The following ZNF804B variants were observed in gnomAD, a reference collection of about 807,000 sequenced individuals.
ZNF804B encodes zinc finger 804B.
A neutral mutation model predicts 101.4 loss-of-function variants in ZNF804B; 80 were observed. That is an observed-to-expected ratio of 0.79 (90% CI 0.66 to 0.95). The LOEUF (loss-of-function observed/expected upper bound fraction) is 0.95. Ranked by LOEUF, ZNF804B falls within the 40% of genes least tolerant of loss-of-function variation. The pLI is 0.00. For synonymous variants in ZNF804B, 622 were observed against 558.8 expected (o/e 1.11, Z -1.59); for missense variants, 1,673 against 1,561.9 (o/e 1.07, Z -1.20).
chr7:88,873,109 C>G (rs1791864352), intron 1 of ZNF804B, among the ~76,000 whole-genome samples: 1 of 152,008 alleles, frequency 6.6e-6, no homozygotes, highest in Non-Finnish European at 1.5e-5. Flanking sequence ...GTTCCTATTT[C>G]TCCACATCCT....
chr7:89,242,340 G>A (rs551906810), intron 2 of ZNF804B, among the ~76,000 whole-genome samples: 1 of 151,828 alleles, frequency 6.6e-6, no homozygotes, highest in African/African-American at 2.4e-5. Context: ...AATTGATTTT[G>A]CTTTTTTACC....
intron 2 of ZNF804B, among the ~76,000 whole-genome samples, chr7:89,254,127 G>A (rs1230925421): frequency 2.0e-5 from 3 of 152,058 alleles, no homozygotes; most frequent in Non-Finnish European, 4.4e-5. Context: ...ATTTAACATT[G>A]CATTGACGGT....
intron 1 of ZNF804B, among the ~76,000 whole-genome samples, chr7:88,799,045 A>G (rs567871459): frequency 6.6e-6 from 1 of 152,212 alleles, no homozygotes; most frequent in South Asian, 2.1e-4. Context: ...TATTCTACTT[A>G]TCTACCTTTT....
At chr7:88,912,545 C>T (rs1792565141) in intron 1 of ZNF804B, among the ~76,000 whole-genome samples, 1 of 152,172 alleles carries the variant, frequency 6.6e-6, no homozygotes, top group African/African-American at 2.4e-5. Context: ...TTGAATTTCA[C>T]ATTTTGTCTA....
intron 2 of ZNF804B, among the ~76,000 whole-genome samples, chr7:89,258,374 T>C (rs1369629610): frequency 6.6e-6 from 1 of 152,154 alleles, no homozygotes; most frequent in Admixed American, 6.6e-5. Context: ...GCTAGTCTAA[T>C]GAATAATGAA....
intron 1 of ZNF804B, among the ~76,000 whole-genome samples, chr7:88,980,739 A>C (rs1048620521): frequency 4.6e-5 from 7 of 151,998 alleles, no homozygotes; most frequent in African/African-American, 1.7e-4. Context: ...GGCCATCACC[A>C]TTGGGACTGT....
Position 89,270,766 on chromosome 7 carries a change from T to C in ZNF804B, c.249+52471T>C, listed in dbSNP as rs182186967. On this transcript the variant is annotated intron_variant, in intron 2 of 3. Transcript: ENST00000333190. Reference sequence around the variant, plus strand: ...TTGAGCAATGGTTTGTAGTTCTTCTTGAAGAGGTCCTTCACCTCCATTGTA... The same window carrying C: ...TTGAGCAATGGTTTGTAGTTCTTCTCGAAGAGGTCCTTCACCTCCATTGTA... 3.3e-5 allele frequency among the ~76,000 whole-genome samples: 5 copies of C among 152,338 alleles called. No homozygotes were observed. In the East Asian group the frequency reaches 9.6e-4, roughly 29 times the overall value.
chr7:88,830,080 G>A (rs1014372529), intron 1 of ZNF804B, among the ~76,000 whole-genome samples: 3 of 152,082 alleles, frequency 2.0e-5, no homozygotes, highest in Non-Finnish European at 4.4e-5. Context: ...ATTTGTTTAG[G>A]GAGTGTGCTC....
At chr7:88,819,918 C>T (rs74756196) in intron 1 of ZNF804B, among the ~76,000 whole-genome samples, 3,148 of 152,142 alleles carry the variant, frequency 0.021, 103 homozygotes, top group African/African-American at 0.072. Context: ...GAGTTTTGCT[C>T]AGGAAGCATA....
chr7:89,207,474 G>A (rs10239607), intron 1 of ZNF804B, among the ~76,000 whole-genome samples: 108,106 of 152,032 alleles, frequency 0.71, 39,130 homozygotes, highest in African/African-American at 0.77. Context: ...CCCACCCCCA[G>A]TGACTTGATT....
chr7:88,855,798 G>T (rs1161214542), intron 1 of ZNF804B, among the ~76,000 whole-genome samples: 2 of 152,146 alleles, frequency 1.3e-5, no homozygotes, highest in Non-Finnish European at 2.9e-5. Context: ...GCAAGGAAGG[G>T]ATCCAGTTTC....
intron 2 of ZNF804B, among the ~76,000 whole-genome samples, chr7:89,295,973 G>T (rs1790375872): frequency 6.6e-6 from 1 of 152,092 alleles, no homozygotes; most frequent in Non-Finnish European, 1.5e-5. Flanking sequence ...ATACAGAGTG[G>T]TATAATGGAC....
chr7:88,967,396 C>A (rs1793471320), intron 1 of ZNF804B, among the ~76,000 whole-genome samples: 2 of 151,422 alleles, frequency 1.3e-5, no homozygotes, highest in Non-Finnish European at 1.5e-5. Context: ...GGAAATCCAC[C>A]CCCATGATCC....
At chr7:89,058,642 C>G (rs939143822) in intron 1 of ZNF804B, among the ~76,000 whole-genome samples, 2 of 152,052 alleles carry the variant, frequency 1.3e-5, no homozygotes, top group Non-Finnish European at 2.9e-5. Context: ...GTGACACTTC[C>G]CACTGGGGAA....
intron 1 of ZNF804B, among the ~76,000 whole-genome samples, chr7:88,854,056 A>G (rs183922317): frequency 1.3e-5 from 2 of 152,172 alleles, no homozygotes; most frequent in African/African-American, 4.8e-5. Context: ...TAATTCTTTA[A>G]CTAAATGTGA....
chr7:89,121,116 C>T (rs1790398627), intron 1 of ZNF804B, among the ~76,000 whole-genome samples: 1 of 152,174 alleles, frequency 6.6e-6, no homozygotes, highest in African/African-American at 2.4e-5. Flanking sequence ...CCACCTGTGT[C>T]ACACCCCACA....
At chr7:89,325,527 A>G (rs1384967371) in intron 2 of ZNF804B, among the ~76,000 whole-genome samples, 3 of 152,064 alleles carry the variant, frequency 2.0e-5, no homozygotes, top group Non-Finnish European at 4.4e-5. Context: ...AATTAACAAT[A>G]TTTGTTGTTA....
intron 1 of ZNF804B, among the ~76,000 whole-genome samples, chr7:88,967,716 C>CAAA (rs3034332): frequency 8.8e-5 from 11 of 125,410 alleles, no homozygotes; most frequent in East Asian, 2.5e-4. Flanking sequence ...ATTGAAAAAG[C>CAAA]AAAAAAAAAA....
chr7:89,080,686 G>A (rs867827076), intron 1 of ZNF804B, among the ~76,000 whole-genome samples: 2 of 151,932 alleles, frequency 1.3e-5, no homozygotes, highest in Middle Eastern at 3.2e-3. Context: ...TGAACATAGT[G>A]AACTATTCAG....
Sources: gnomAD v4.1 joint callset for allele counts (sites outside exome capture counted in the v4.1 genomes callset) on GRCh38, gnomAD v4.1.1 for gene constraint, MANE v1.5 for transcripts, NCBI Gene and HGNC (gene_info 2026-07-23, HGNC 2026-07-21) for gene names.